MKNK1: variants seen among roughly 807,000 people sequenced by gnomAD.
MKNK1 encodes the protein MAP kinase-interacting serine/threonine-protein kinase 1.
MKNK1 carries 30 observed loss-of-function variants against 49.3 expected under a neutral mutation model. The observed-to-expected ratio is 0.61, with a 90% CI of 0.46 to 0.83. The LOEUF (loss-of-function observed/expected upper bound fraction) is 0.83, where lower values mean the gene tolerates loss of function less well. Ranked by LOEUF, MKNK1 falls within the 40% of genes least tolerant of loss-of-function variation. The pLI is 0.00. For missense variants in MKNK1, 423 were observed against 524.7 expected (o/e 0.81, Z 1.89); for synonymous variants, 176 against 201.7 (o/e 0.87, Z 1.08).
chr1:46,561,383 A>G (rs1667938302), intron 11 of MKNK1, 95 bp downstream of exon 11: 1 of 1,372,510 alleles, frequency 7.3e-7, no homozygotes, highest in Non-Finnish European at 9.8e-7. Flanking sequence ...ACCAGCCACA[A>G]GGCTGGTGCT....
Position 46,561,638 on chromosome 1 carries a change from T to G in MKNK1, c.809A>C (p.Lys270Thr). 6.2e-7 allele frequency: 1 copy of G among 1,613,898 alleles called. No individual in the cohort carries two copies. The highest frequency in any genetic ancestry group is 8.5e-7 in the Non-Finnish European group (1 of 1,179,862). ...RGEVCRVCQN[K>T]LFESIQEGKY... is the part of the protein sequence containing the mutation. ...GCCTTCCTGGATGCTTTCAAACAGC[T>G]TGTTCTAGGTACAAAAGATTCCTCC... The change falls in exon 11 of 13, where the codon AAG becomes ACG. Residue 270 changes from lysine to threonine, a missense_variant. Coordinates refer to ENST00000371945, the MANE Select transcript of MKNK1 (RefSeq NM_001135553.4).
At chr1:46,561,455 C>T in intron 11 of MKNK1, 23 bp downstream of exon 11, 1 of 1,583,446 alleles carries the variant, frequency 6.3e-7, no homozygotes, top group South Asian at 1.1e-5. Flanking sequence ...TGGTGGAAAA[C>T]ACCCCTCCCT....
At chr1:46,581,508 C>CAAAAAAAAAAAAA (rs36099600) in intron 3 of MKNK1, among the ~76,000 whole-genome samples, 1 of 41,634 alleles carries the variant, frequency 2.4e-5, no homozygotes. Flanking sequence ...GACCCCATAT[C>CAAAAAAAAAAAAA]AAAAAAAAAA....
chr1:46,583,106 C>T, intron 3 of MKNK1, 122 bp downstream of exon 3: 1 of 775,854 alleles, frequency 1.3e-6, no homozygotes, highest in Admixed American at 1.8e-5. Context: ...CTCCCTACCA[C>T]ACAGATAACC....
At chr1:46,582,198 GAC>G (rs149780522) in intron 3 of MKNK1, among the ~76,000 whole-genome samples, 1 of 151,676 alleles carries the variant, frequency 6.6e-6, no homozygotes, top group Non-Finnish European at 1.5e-5. Context: ...GACACACACA[GAC>G]ACACACACAC....
At chr1:46,567,506 CATA>C (rs1476815180) in intron 8 of MKNK1, among the ~76,000 whole-genome samples, 3 of 152,178 alleles carry the variant, frequency 2.0e-5, no homozygotes, top group Admixed American at 1.3e-4. Context: ...TAGTAATCAT[CATA>C]ATAATGATAA....
chr1:46,561,393 T>C, intron 11 of MKNK1, 85 bp downstream of exon 11: 1 of 1,460,270 alleles, frequency 6.8e-7, no homozygotes, highest in Non-Finnish European at 9.2e-7. Flanking sequence ...AGGCTGGTGC[T>C]CAGCACTTGC....
At chr1:46,564,493 T>TTTTTTTTTGG (rs1668698960) in intron 9 of MKNK1, among the ~76,000 whole-genome samples, 1 of 91,510 alleles carries the variant, frequency 1.1e-5, no homozygotes, top group African/African-American at 3.0e-5. Context: ...TTTTTTTTTT[T>TTTTTTTTTGG]GAGACGGAGT....
At chr1:46,581,924 C>A (rs555911811) in intron 3 of MKNK1, among the ~76,000 whole-genome samples, 1 of 152,276 alleles carries the variant, frequency 6.6e-6, no homozygotes, top group South Asian at 2.1e-4. Context: ...GCACTAGCTG[C>A]CTGACCTCAT....
intron 8 of MKNK1, 126 bp downstream of exon 8, chr1:46,568,317 A>T: frequency 2.4e-6 from 2 of 816,356 alleles, no homozygotes; most frequent in Non-Finnish European, 4.1e-6. Context: ...ACATTCTCAC[A>T]TGTCCAAGAC....
intron 2 of MKNK1, 66 bp from the exon 3 acceptor site, chr1:46,583,395 A>G (rs1291843765): frequency 2.3e-6 from 3 of 1,281,508 alleles, no homozygotes; most frequent in Non-Finnish European, 3.3e-6. Context: ...TTTACCCAGA[A>G]GGAAAAAAAA....
At chr1:46,559,005 C>T (rs903783447) in intron 12 of MKNK1, among the ~76,000 whole-genome samples, 1 of 152,164 alleles carries the variant, frequency 6.6e-6, no homozygotes, top group African/African-American at 2.4e-5. Context: ...CCCCAAGTAC[C>T]ATCCCTGGAC....
chr1:46,578,366 G>A (rs1671270181), intron 4 of MKNK1, among the ~76,000 whole-genome samples: 1 of 152,092 alleles, frequency 6.6e-6, no homozygotes, highest in African/African-American at 2.4e-5. Context: ...TGAAAGAGTA[G>A]GGGAGAGAAG....
chr1:46,588,924 A>G (rs1317412026), intron 2 of MKNK1, among the ~76,000 whole-genome samples: 1 of 152,258 alleles, frequency 6.6e-6, no homozygotes, highest in Non-Finnish European at 1.5e-5. Flanking sequence ...CACGAACTGC[A>G]GCAAGCTGCT....
intron 5 of MKNK1, chr1:46,576,239 T>G (rs759949925): frequency 4.3e-5 from 12 of 280,276 alleles, no homozygotes; most frequent in Admixed American, 2.5e-4. Flanking sequence ...TCCTTAAAGA[T>G]TTCTACCAGG....
In MKNK1 at chr1:46,589,993, A is replaced by G. The variant is rs1403439228; in HGVS notation, c.-3+4120T>C. Reference sequence around the variant, plus strand: ...GCTCAGCTCTGCAAACTTAGCTCACACTCCTCTCCCAACCACTTCAGAATT... The same window carrying G: ...GCTCAGCTCTGCAAACTTAGCTCACGCTCCTCTCCCAACCACTTCAGAATT... On this transcript the variant is annotated intron_variant, in intron 2 of 12. Transcript: ENST00000371945. This position sits in a 1 kb window ranked among gnomAD's most constrained non-coding sequence, Gnocchi z 4.3. Among the ~76,000 whole-genome samples the G allele has an allele frequency of 6.6e-6, 1 of 150,812 alleles. No individual in the cohort carries two copies. Among genetic ancestry groups the G allele is most frequent in the Non-Finnish European group, 1.5e-5 (1 of 67,834 alleles).
At chr1:46,600,515 G>A (rs1674594491) in intron 1 of MKNK1, among the ~76,000 whole-genome samples, 1 of 152,210 alleles carries the variant, frequency 6.6e-6, no homozygotes, top group Admixed American at 6.5e-5. Context: ...TAATACTCAT[G>A]TGGGCTTGTT....
intron 6 of MKNK1, chr1:46,572,388 CTTTT>C: frequency 3.2e-6 from 1 of 317,304 alleles, no homozygotes; most frequent in Non-Finnish European, 6.0e-6. Flanking sequence ...AATTTTTGTA[CTTTT>C]TTTTTTTAGT....
intron 12 of MKNK1, 63 bp downstream of exon 12, chr1:46,560,171 C>T: frequency 6.3e-7 from 1 of 1,590,518 alleles, no homozygotes; most frequent in Non-Finnish European, 8.6e-7. Flanking sequence ...CCCCCGGCCC[C>T]CACCCCCATG....
Sources: gnomAD v4.1 joint callset for allele counts (sites outside exome capture counted in the v4.1 genomes callset) on GRCh38, gnomAD v4.1.1 for gene constraint, Gnocchi (gnomAD v3.1) non-coding constraint, MANE v1.5 for transcripts, NCBI Gene and HGNC (gene_info 2026-07-23, HGNC 2026-07-21) for gene names.